Variants in MALRD1 observed in about 807,000 individuals in gnomAD.
MALRD1 encodes MAM and LDL receptor class A domain containing 1, also known as MAM and LDL-receptor class A domain-containing protein 1.
Under a neutral mutation model 242.1 loss-of-function variants are expected in MALRD1, and 247 were observed. The observed-to-expected ratio is 1.02, with a 90% CI of 0.92 to 1.13. The LOEUF is 1.13. MALRD1 is among the 50% of genes most tolerant of loss of function. MALRD1 has a pLI of 0.00. For missense variants in MALRD1, 2,989 were observed against 2,533.1 expected (o/e 1.18, Z -3.86); for synonymous variants, 995 against 866.6 (o/e 1.15, Z -2.60).
chr10:19,149,470 T>G lies in MALRD1; in HGVS notation c.1558+3126T>G, dbSNP rs117436017. Among the ~76,000 whole-genome samples the G allele has an allele frequency of 3.1e-3, 477 of 152,284 alleles. 2 individuals carry two copies. Among genetic ancestry groups the G allele is most frequent in the South Asian group, 0.012 (58 of 4,824 alleles). On this transcript the variant is annotated intron_variant, in intron 11 of 39. Coordinates refer to ENST00000454679, the MANE Select transcript of MALRD1 (RefSeq NM_001142308.3). ...AATTTCCATCGAAATAGGCAACTCA[T>G]GTTAATTATGTTCCACTTTTATCTA...
chr10:19,182,392 T>C (rs887582399), intron 14 of MALRD1, among the ~76,000 whole-genome samples: 3 of 144,264 alleles, frequency 2.1e-5, no homozygotes, highest in African/African-American at 7.7e-5. Context: ...TGGTGCGATA[T>C]GGGCTTACTG....
chr10:19,082,140 G>A (rs1483949350), intron 2 of MALRD1, among the ~76,000 whole-genome samples: 3 of 151,518 alleles, frequency 2.0e-5, no homozygotes, highest in East Asian at 3.9e-4. Context: ...GTTTTCTAGT[G>A]TATTATATTA....
At chr10:19,325,286 A>G (rs992997820) in intron 22 of MALRD1, among the ~76,000 whole-genome samples, 1 of 151,872 alleles carries the variant, frequency 6.6e-6, no homozygotes, top group Non-Finnish European at 1.5e-5. Flanking sequence ...ACGAACCTCC[A>G]TGTCTCTCTA....
chr10:19,423,897 C>T (rs16918720), intron 28 of MALRD1, among the ~76,000 whole-genome samples: 23 of 152,068 alleles, frequency 1.5e-4, no homozygotes, highest in African/African-American at 5.1e-4. Context: ...GAGGCTGACT[C>T]AAATGTCACA....
rs557301947 is a variant in MALRD1 at position 19,515,684 on chromosome 10, C to T, written c.5321-15510C>T. On this transcript the variant is annotated intron_variant, in intron 31 of 39. Coordinates refer to ENST00000454679, the MANE Select transcript of MALRD1 (RefSeq NM_001142308.3). ...ACGCCATTCTCCTGCCTCAGCCTCC[C>T]GAGTAGCTGGGACTACAGGCACCCG... Among the ~76,000 whole-genome samples, 9 of 151,976 alleles carry T rather than the reference C, an allele frequency of 5.9e-5. No homozygotes were observed. The South Asian group carries it at 6.2e-4, about 10-fold the overall frequency.
chr10:19,187,494 G>A (rs1303368511), intron 14 of MALRD1, among the ~76,000 whole-genome samples: 1 of 151,994 alleles, frequency 6.6e-6, no homozygotes, highest in African/African-American at 2.4e-5. Flanking sequence ...AAGGGATTGG[G>A]ACAGGAACAC....
rs934569842 is a variant in MALRD1, at chr10:19,730,776, A to T, written c.6385A>T (p.Thr2129Ser). 3.2e-5 allele frequency: 49 copies of T among 1,536,518 alleles called. No homozygotes were observed. The highest frequency in any genetic ancestry group is 3.8e-5 in the Non-Finnish European group (44 of 1,146,998). Residue 2129 changes from threonine (T) to serine (S), a missense_variant, in exon 39 of 40, where the codon ACA becomes TCA. Physicochemically the swap from Thr to Ser is moderately conservative, Grantham distance 58 (BLOSUM62 1). Transcript: ENST00000454679. ...VYGNWSNPEK[T>S]ESSVYSFSNP... ...CGGGAACTGGAGCAACCCAGAGAAAACAGAGGTAAGTGGCAAGGGTGAACT... is the reference window on the plus strand; with the variant it reads ...CGGGAACTGGAGCAACCCAGAGAAATCAGAGGTAAGTGGCAAGGGTGAACT...
chr10:19,306,018 A>C (rs1299873215), intron 21 of MALRD1, among the ~76,000 whole-genome samples: 3 of 115,984 alleles, frequency 2.6e-5, no homozygotes, highest in Non-Finnish European at 5.1e-5. Context: ...ACTATATATT[A>C]TATATACTAT....
rs558147954 is a variant in MALRD1, at chr10:19,649,021, A to C, written c.6137+33098A>C. ...TTTCCTGTTCCTGCGTTAGTTTGCT[A>C]AGGATGATAGCCTCCAGCTCCATCC... is the stretch of plus-strand genomic sequence containing the variant. On this transcript the variant is annotated intron_variant, in intron 36 of 39. Transcript: ENST00000454679. 9.2e-5 allele frequency among the ~76,000 whole-genome samples: 14 copies of C among 152,300 alleles called. No individual in the cohort carries two copies. The East Asian group carries it at 2.3e-3, about 25-fold the overall frequency.
intron 36 of MALRD1, among the ~76,000 whole-genome samples, chr10:19,690,579 A>T (rs973151842): frequency 6.6e-6 from 1 of 151,824 alleles, no homozygotes; most frequent in African/African-American, 2.4e-5. Context: ...AATAAGAGAA[A>T]ATTTTCTATC....
intron 14 of MALRD1, among the ~76,000 whole-genome samples, chr10:19,177,097 T>C (rs570154217): frequency 8.6e-5 from 13 of 151,884 alleles, no homozygotes; most frequent in Non-Finnish European, 1.6e-4. Flanking sequence ...GCCAACATGG[T>C]GAAACCCCAT....
At position 19,102,308 on chromosome 10, in the gene MALRD1, A is replaced by C. The variant is rs986908977; in HGVS notation, c.598-1671A>C. On this transcript the variant is annotated intron_variant, in intron 4 of 39. Coordinates refer to ENST00000454679, the MANE Select transcript of MALRD1 (RefSeq NM_001142308.3). Reference sequence around the variant, plus strand: ...CTATCTCTACACAATAATCTTTGCCAGGCCTTTGCAAAATGGTTCTATTTT... The same window carrying C: ...CTATCTCTACACAATAATCTTTGCCCGGCCTTTGCAAAATGGTTCTATTTT... Among the ~76,000 whole-genome samples the C allele has an allele frequency of 2.0e-5, 3 of 151,872 alleles. No homozygotes were observed. In the East Asian group the frequency reaches 5.8e-4, roughly 29 times the overall value.
chr10:19,553,241 ACACT>A (rs762018495), intron 32 of MALRD1, among the ~76,000 whole-genome samples: 7 of 152,160 alleles, frequency 4.6e-5, no homozygotes, highest in South Asian at 2.1e-4. Context: ...GACAAGGAAA[ACACT>A]CACAAAATTT....
chr10:19,144,222 T>A (rs1320395374), intron 10 of MALRD1, among the ~76,000 whole-genome samples: 1 of 152,224 alleles, frequency 6.6e-6, no homozygotes, highest in Non-Finnish European at 1.5e-5. Context: ...AATCTATGGA[T>A]GCTCAAGTCC....
intron 33 of MALRD1, among the ~76,000 whole-genome samples, chr10:19,593,703 A>G (rs78582278): frequency 6.6e-6 from 1 of 152,190 alleles, no homozygotes; most frequent in Non-Finnish European, 1.5e-5. Flanking sequence ...GAGATAGTCA[A>G]CACTCAACAG....
chr10:19,415,430 T>C (rs1346515413), intron 28 of MALRD1, among the ~76,000 whole-genome samples: 2 of 152,174 alleles, frequency 1.3e-5, no homozygotes, highest in Non-Finnish European at 2.9e-5. Flanking sequence ...AATTTTTTAT[T>C]TGTTGTTAAG....
intron 38 of MALRD1, among the ~76,000 whole-genome samples, chr10:19,717,484 A>G (rs1331962428): frequency 6.6e-6 from 1 of 152,218 alleles, no homozygotes; most frequent in Non-Finnish European, 1.5e-5. Context: ...TTTCCCCTCC[A>G]TAACATCTGG....
intron 30 of MALRD1, among the ~76,000 whole-genome samples, chr10:19,495,450 A>G (rs1837670883): frequency 6.6e-6 from 1 of 151,284 alleles, no homozygotes; most frequent in Non-Finnish European, 1.5e-5. Context: ...AACATTCTAA[A>G]AAAAAAAAAA....
At chr10:19,563,764 G>T (rs113468278) in intron 32 of MALRD1, among the ~76,000 whole-genome samples, 18 of 152,312 alleles carry the variant, frequency 1.2e-4, no homozygotes, top group African/African-American at 3.8e-4. Flanking sequence ...CATTGTTGAA[G>T]TAGATGGTCT....
Sources: gnomAD v4.1 joint callset for allele counts (sites outside exome capture counted in the v4.1 genomes callset) on GRCh38, gnomAD v4.1.1 for gene constraint, MANE v1.5 for transcripts, NCBI Gene and HGNC (gene_info 2026-07-23, HGNC 2026-07-21) for gene names.